The following ABAT variants were observed in gnomAD, a reference collection of about 807,000 sequenced individuals.
ABAT encodes 4-aminobutyrate aminotransferase, mitochondrial.
Under a neutral mutation model 64.6 loss-of-function variants are expected in ABAT, and 45 were observed. The observed-to-expected ratio is 0.70, with a 90% confidence interval of 0.55 to 0.89. The LOEUF is 0.89. Among genes scored for constraint, ABAT ranks in the 40% least tolerant of loss-of-function variants. The probability of loss-of-function intolerance (pLI) is 0.00; values close to 1 mark genes in which losing one functional copy is unlikely to be tolerated. For synonymous variants in ABAT, 297 were observed against 250.5 expected, an observed-to-expected ratio of 1.19 and a Z score of -1.75; for missense variants, 633 against 658.4, an observed-to-expected ratio of 0.96 and a Z score of 0.42.
rs762237876 is a variant in ABAT, at chr16:8,710,683, T to TGA, written c.-41-25007_-41-25006dup. On this transcript the variant is annotated intron_variant, in intron 1 of 15. Transcript: ENST00000268251. ...TGAGTCCAGGAGGTTAAGGCTGCAC[T>TGA]GAGAGAGAGACAGAGAGAGAGAGAG... Among the ~76,000 whole-genome samples the TGA allele has an allele frequency of 1.4e-3, 120 of 87,822 alleles. 1 individual carries two copies. Among genetic ancestry groups the TGA allele is most frequent in the African/African-American group, 3.0e-3 (78 of 25,854 alleles). The allele number at this position is 87,822 out of a possible 152,430, so 57.6% of individuals were successfully genotyped here. A position where few individuals can be genotyped will look rare whatever the true frequency, so the allele number is the denominator to read the frequency against.
At chr16:8,766,674 A>T (rs1207684665) in intron 9 of ABAT, among the ~76,000 whole-genome samples, 1 of 147,764 alleles carries the variant, frequency 6.8e-6, no homozygotes, top group Non-Finnish European at 1.5e-5. Flanking sequence ...AAAAAACAAA[A>T]ACAAAAACAA....
At chr16:8,771,716 G>A (rs148721613) in intron 11 of ABAT, among the ~76,000 whole-genome samples, 20 of 152,160 alleles carry the variant, frequency 1.3e-4, no homozygotes, top group East Asian at 1.2e-3. Context: ...TGATCTGCTC[G>A]CCTTAGCCTC....
At position 8,782,081 on chromosome 16, in the gene ABAT, A is replaced by C. The variant is rs1314292493; in HGVS notation, c.*651A>C. The stretch of plus-strand genomic sequence containing the variant: ...ACCTGGGGATCCCCCTAAACTGTGA[A>C]TTCTGCCCTGGACAGGGCTTTGCCC... On this transcript the variant is annotated 3_prime_UTR_variant, in exon 16 of 16. Coordinates refer to ENST00000268251, the MANE Select transcript of ABAT (RefSeq NM_020686.6). 2 of 157,890 alleles carry C rather than the reference A, an allele frequency of 1.3e-5. No individual in the cohort carries two copies. The highest frequency in any genetic ancestry group is 1.2e-4 in the Admixed American group (2 of 16,714). The allele number at this position is 157,890 out of a possible 1,614,324, so 9.8% of individuals were successfully genotyped here. A position where few individuals can be genotyped will look rare whatever the true frequency, so the allele number is the denominator to read the frequency against.
intron 3 of ABAT, 83 bp downstream of exon 3, chr16:8,746,181 C>G: frequency 9.9e-7 from 1 of 1,007,424 alleles, no homozygotes; most frequent in South Asian, 1.3e-5. Context: ...AGCTTAGGGA[C>G]CTGTATTGAT....
intron 2 of ABAT, among the ~76,000 whole-genome samples, chr16:8,742,192 G>T (rs1345335743): frequency 6.6e-6 from 1 of 152,062 alleles, no homozygotes; most frequent in East Asian, 1.9e-4. Context: ...TTTCCCCATG[G>T]CCTTGACATG....
At chr16:8,690,852 T>C (rs922830336) in intron 1 of ABAT, among the ~76,000 whole-genome samples, 1 of 152,184 alleles carries the variant, frequency 6.6e-6, no homozygotes, top group Admixed American at 6.5e-5. Flanking sequence ...GAGCCAAACA[T>C]AGCGGACAGG....
chr16:8,720,617 CCT>C (rs1394446859), intron 1 of ABAT: 1 of 152,256 alleles, frequency 6.6e-6, no homozygotes, highest in Non-Finnish European at 1.5e-5. Flanking sequence ...TGAATGGGGC[CCT>C]GTTAACCCCA....
At chr16:8,746,378 C>T (rs572979307) in intron 3 of ABAT, among the ~76,000 whole-genome samples, 24 of 151,066 alleles carry the variant, frequency 1.6e-4, no homozygotes, top group African/African-American at 5.3e-4. Flanking sequence ...CATACTGAAA[C>T]CCTGTCTGTA....
At chr16:8,691,533 G>C (rs1273360) in intron 1 of ABAT, among the ~76,000 whole-genome samples, 59,406 of 151,758 alleles carry the variant, frequency 0.39, 11,965 homozygotes, top group East Asian at 0.65. Flanking sequence ...TCTGCCTCCT[G>C]GGTTCAAGCA....
chr16:8,742,494 G>A (rs545848055), intron 2 of ABAT, among the ~76,000 whole-genome samples: 5 of 152,216 alleles, frequency 3.3e-5, no homozygotes, highest in South Asian at 2.1e-4. Context: ...CAAAATATGC[G>A]TCCCTGAAGA....
At chr16:8,706,742 G>A (rs2057954399) in intron 1 of ABAT, among the ~76,000 whole-genome samples, 1 of 152,168 alleles carries the variant, frequency 6.6e-6, no homozygotes, top group South Asian at 2.1e-4. Context: ...AAATAAATGT[G>A]TAAGTACTAA....
At chr16:8,756,162 A>G (rs2059643937) in intron 5 of ABAT, among the ~76,000 whole-genome samples, 1 of 151,872 alleles carries the variant, frequency 6.6e-6, no homozygotes, top group Admixed American at 6.6e-5. Context: ...AGAGGTCACA[A>G]CGAGCCACGA....
chr16:8,708,464 G>T (rs186762025), intron 1 of ABAT, among the ~76,000 whole-genome samples: 4 of 151,984 alleles, frequency 2.6e-5, no homozygotes, highest in Non-Finnish European at 5.9e-5. Flanking sequence ...GTGGTGGGGG[G>T]CGCAGGTGGC....
intron 1 of ABAT, among the ~76,000 whole-genome samples, chr16:8,711,723 G>GAT (rs374862922): frequency 0.56 from 57,660 of 102,920 alleles, 15,622 homozygotes; most frequent in East Asian, 0.8. Context: ...TGGATGGATG[G>GAT]GAAGATGGAT....
chr16:8,732,949 C>T (rs1485865074), intron 1 of ABAT, among the ~76,000 whole-genome samples: 1 of 149,324 alleles, frequency 6.7e-6, no homozygotes, highest in South Asian at 2.1e-4. Flanking sequence ...ACCTCCCTCC[C>T]GGACGGGGCG....
rs903983143 is a variant in ABAT at position 8,782,641 on chromosome 16, A to G, written c.*1211A>G. On this transcript the variant is annotated 3_prime_UTR_variant, in exon 16 of 16. Transcript: ENST00000268251. ...GTATGGAGATTACCAGGCAGATGAT[A>G]CCGAAATGCTTAAAGGGGCTGTGGC... The G allele has an allele frequency of 1.3e-5, 2 of 152,300 alleles. No individual in the cohort carries two copies. Among genetic ancestry groups the G allele is most frequent in the Non-Finnish European group, 2.9e-5 (2 of 68,088 alleles). The allele number at this position is 152,300 out of a possible 1,614,324, so 9.4% of individuals were successfully genotyped here.
chr16:8,781,358 G>C lies in ABAT; in HGVS notation c.1431G>C (p.Thr477=), dbSNP rs573157071. ...CGDKSIRFRP[T]LVFRDHHAHL... is the part of the protein sequence containing the mutation. ...ACAAATCCATTCGTTTCCGTCCCAC[G>C]CTGGTCTTCAGGGATCACCACGCTC... The change falls in exon 16 of 16, where the codon ACG becomes ACC. Residue 477 remains threonine (T), a synonymous_variant. Transcript: ENST00000268251. This position sits in a 1 kb window ranked among gnomAD's most constrained non-coding sequence, Gnocchi z 4.5. 6.2e-7 allele frequency: 1 copy of C among 1,614,142 alleles called. No individual in the cohort carries two copies. The highest frequency in any genetic ancestry group is 8.5e-7 in the Non-Finnish European group (1 of 1,180,022).
chr16:8,726,484 A>G (rs1198738378), intron 1 of ABAT, among the ~76,000 whole-genome samples: 3 of 151,982 alleles, frequency 2.0e-5, no homozygotes, highest in Admixed American at 6.6e-5. Flanking sequence ...GCCTCATGGG[A>G]TCCACCTGCC....
chr16:8,749,321 C>T (rs2059413860), intron 4 of ABAT, among the ~76,000 whole-genome samples: 2 of 148,784 alleles, frequency 1.3e-5, no homozygotes, highest in Non-Finnish European at 3.0e-5. Context: ...AACTGCTGAC[C>T]TCGTGATCCA....
Sources: allele counts gnomAD v4.1 joint callset (sites outside exome capture counted in the v4.1 genomes callset), GRCh38; gene constraint gnomAD v4.1.1; non-coding constraint Gnocchi (gnomAD v3.1); transcripts MANE v1.5; gene names NCBI Gene and HGNC (gene_info 2026-07-23, HGNC 2026-07-21).